Variants in MYO5B observed in about 807,000 individuals in gnomAD.
The protein encoded by MYO5B is myosin VB.
In MYO5B, 143 loss-of-function variants were observed where a neutral mutation model predicts 229.3. That is an observed-to-expected ratio of 0.62 (90% CI 0.54 to 0.72). The LOEUF is 0.72. Among genes scored for constraint, MYO5B ranks in the 30% least tolerant of loss-of-function variants. The pLI is 0.00. For synonymous variants in MYO5B, 918 were observed against 885.2 expected (o/e 1.04, Z -0.66); for missense variants, 2,321 against 2,331.0 (o/e 1.00, Z 0.09).
intron 5 of MYO5B, among the ~76,000 whole-genome samples, chr18:49,993,863 A>C (rs952349584): frequency 5.9e-5 from 9 of 152,292 alleles, no homozygotes; most frequent in South Asian, 2.1e-4. Flanking sequence ...TCAGTGGCTT[A>C]CACTGCCCTC....
At chr18:50,148,634 A>AC (rs1412284434) in intron 1 of MYO5B, among the ~76,000 whole-genome samples, 2 of 152,092 alleles carry the variant, frequency 1.3e-5, no homozygotes, top group Non-Finnish European at 2.9e-5. Flanking sequence ...AAATTCAACA[A>AC]CCTTCATGCT....
chr18:49,828,559 A>G (rs2023875013), intron 39 of MYO5B, among the ~76,000 whole-genome samples: 1 of 152,228 alleles, frequency 6.6e-6, no homozygotes, highest in Non-Finnish European at 1.5e-5. Flanking sequence ...GAGGCCATGA[A>G]CAACACTATA....
intron 4 of MYO5B, among the ~76,000 whole-genome samples, chr18:50,022,825 C>T (rs941161837): frequency 2.0e-5 from 3 of 152,146 alleles, no homozygotes; most frequent in Non-Finnish European, 2.9e-5. Flanking sequence ...TCACTCCCCA[C>T]GCAGGCCCTT....
intron 1 of MYO5B, among the ~76,000 whole-genome samples, chr18:50,168,774 A>T (rs1321947760): frequency 7.8e-6 from 1 of 128,154 alleles, no homozygotes; most frequent in Non-Finnish European, 1.7e-5. Flanking sequence ...AAAAGATGAC[A>T]TATATGGAAA....
chr18:50,194,841 G>C lies in MYO5B; in HGVS notation c.-48C>G, dbSNP rs534802208. On this transcript the variant is annotated 5_prime_UTR_variant, in exon 1 of 40. Transcript: ENST00000285039. ...GGCCCCGGCTCCTGGCTGCCCCGCG[G>C]CTCTCAGTCCGCGGCTGGCCCGCCT... 1.9e-4 allele frequency: 243 copies of C among 1,285,304 alleles called. 3 individuals are homozygous for C. The South Asian group carries it at 4.2e-3, about 22-fold the overall frequency. 79.6% of individuals were successfully genotyped at this position (1,285,304 alleles called of 1,614,324 possible).
At chr18:50,063,436 C>T (rs186725610) in intron 1 of MYO5B, among the ~76,000 whole-genome samples, 1 of 152,144 alleles carries the variant, frequency 6.6e-6, no homozygotes, top group East Asian at 1.9e-4. Context: ...CCAAGTCCCA[C>T]CCAGATGCCT....
intron 1 of MYO5B, among the ~76,000 whole-genome samples, chr18:50,141,133 G>C (rs2032411042): frequency 6.6e-6 from 1 of 152,134 alleles, no homozygotes; most frequent in Non-Finnish European, 1.5e-5. Flanking sequence ...TCAGACACTG[G>C]ACAATACTGA....
At chr18:49,932,093 AC>A (rs1037700580) in intron 16 of MYO5B, among the ~76,000 whole-genome samples, 6 of 152,236 alleles carry the variant, frequency 3.9e-5, no homozygotes, top group South Asian at 2.1e-4. Context: ...TCCTCATGGT[AC>A]TAATAAAATG....
chr18:50,073,013 G>A (rs1598999167), intron 1 of MYO5B, among the ~76,000 whole-genome samples: 1 of 152,216 alleles, frequency 6.6e-6, no homozygotes, highest in East Asian at 1.9e-4. Flanking sequence ...GCAGGTTGGA[G>A]TCACATCGTA....
intron 26 of MYO5B, among the ~76,000 whole-genome samples, chr18:49,872,937 G>C (rs1483295333): frequency 1.3e-5 from 2 of 152,194 alleles, no homozygotes; most frequent in Admixed American, 1.3e-4. Context: ...GTAAAACTAC[G>C]TCTCTAGTAA....
At chr18:49,833,286 A>C (rs963273136) in intron 39 of MYO5B, among the ~76,000 whole-genome samples, 1 of 152,238 alleles carries the variant, frequency 6.6e-6, no homozygotes, top group African/African-American at 2.4e-5. Context: ...AGGTCAGTAC[A>C]AAGCTATAAA....
At chr18:49,904,088 G>T (rs1424195042) in intron 20 of MYO5B, among the ~76,000 whole-genome samples, 1 of 152,242 alleles carries the variant, frequency 6.6e-6, no homozygotes, top group African/African-American at 2.4e-5. Context: ...ATCAGAAGGG[G>T]TGTGAAAACT....
chr18:49,964,121 A>C (rs558414035), intron 10 of MYO5B, among the ~76,000 whole-genome samples: 1 of 152,340 alleles, frequency 6.6e-6, no homozygotes, highest in East Asian at 1.9e-4. Flanking sequence ...TTAGGATGCT[A>C]ACCTAAAGAA....
chr18:50,133,253 G>C (rs528405355), intron 1 of MYO5B, among the ~76,000 whole-genome samples: 148 of 134,576 alleles, frequency 1.1e-3, no homozygotes, highest in Admixed American at 2.0e-3. Flanking sequence ...TTTGTTCTCT[G>C]TCTTCTCTAG....
At chr18:50,062,934 T>G (rs2030724609) in intron 1 of MYO5B, among the ~76,000 whole-genome samples, 1 of 152,168 alleles carries the variant, frequency 6.6e-6, no homozygotes, top group African/African-American at 2.4e-5. Flanking sequence ...CAGAAGGTAT[T>G]TCATCATCTG....
At chr18:50,065,549 T>C (rs2030799016) in intron 1 of MYO5B, among the ~76,000 whole-genome samples, 1 of 152,146 alleles carries the variant, frequency 6.6e-6, no homozygotes, top group African/African-American at 2.4e-5. Flanking sequence ...TCACTCACTG[T>C]AGGCAAAGCA....
chr18:49,994,015 G>A (rs1306942021), intron 5 of MYO5B, among the ~76,000 whole-genome samples: 5 of 151,838 alleles, frequency 3.3e-5, no homozygotes, highest in African/African-American at 9.7e-5. Flanking sequence ...TGCTCTCTCT[G>A]CCCTCACCCA....
Position 50,033,859 on chromosome 18 carries a change from C to A in MYO5B, c.455+2991G>T, listed in dbSNP as rs191055743. Among the ~76,000 whole-genome samples the A allele has an allele frequency of 2.4e-3, 371 of 152,022 alleles. 1 individual carries two copies. Among genetic ancestry groups the A allele is most frequent in the African/African-American group, 8.7e-3 (360 of 41,448 alleles). On this transcript the variant is annotated intron_variant, in intron 4 of 39. Coordinates refer to ENST00000285039, the MANE Select transcript of MYO5B (RefSeq NM_001080467.3). ...ACAGTGAACAAATCCTCTTCTCTTA[C>A]GGCTATCTCCTCTAACTTTCCTCCA...
At chr18:49,961,043 A>G (rs1431938528) in intron 12 of MYO5B, among the ~76,000 whole-genome samples, 1 of 152,198 alleles carries the variant, frequency 6.6e-6, no homozygotes, top group Non-Finnish European at 1.5e-5. Context: ...GGGAATCTCA[A>G]AAGAGACTGG....
Sources: allele counts gnomAD v4.1 joint callset (sites outside exome capture counted in the v4.1 genomes callset), GRCh38; gene constraint gnomAD v4.1.1; transcripts MANE v1.5; gene names NCBI Gene and HGNC (gene_info 2026-07-23, HGNC 2026-07-21).